Variants in ADAMTS16 observed in about 807,000 individuals in gnomAD.
The protein encoded by ADAMTS16 is A disintegrin and metalloproteinase with thrombospondin motifs 16.
A neutral mutation model predicts 145.8 loss-of-function variants in ADAMTS16; 94 were observed. The ratio of observed to expected loss-of-function variants is 0.64; its 90% confidence interval spans 0.55 to 0.77. The LOEUF (loss-of-function observed/expected upper bound fraction) is 0.77. Ranked by LOEUF, ADAMTS16 falls within the 30% of genes least tolerant of loss-of-function variation. The pLI is 0.00. For missense variants in ADAMTS16, 1,585 were observed against 1,591.5 expected, an observed-to-expected ratio of 1.00 and a Z score of 0.07; for synonymous variants, 659 against 604.3, an observed-to-expected ratio of 1.09 and a Z score of -1.33.
intron 4 of ADAMTS16, among the ~76,000 whole-genome samples, chr5:5,184,949 G>A (rs115376489): frequency 1.1e-3 from 165 of 152,156 alleles, no homozygotes; most frequent in African/African-American, 3.6e-3. Flanking sequence ...AGCTATTTCC[G>A]ACACTTTCGA....
intron 9 of ADAMTS16, among the ~76,000 whole-genome samples, chr5:5,204,645 T>G (rs1380284633): frequency 6.6e-6 from 1 of 152,220 alleles, no homozygotes; most frequent in Non-Finnish European, 1.5e-5. Context: ...ATTTATATAC[T>G]AAATATATAA....
chr5:5,172,916 A>G (rs778551361), intron 3 of ADAMTS16, among the ~76,000 whole-genome samples: 11 of 152,134 alleles, frequency 7.2e-5, no homozygotes, highest in African/African-American at 1.7e-4. Flanking sequence ...TATTGAGTGC[A>G]TATATATTTA....
chr5:5,317,125 G>A lies in ADAMTS16; in HGVS notation c.3412-1009G>A, dbSNP rs780759971. Among the ~76,000 whole-genome samples, 1 of 152,188 alleles carries A rather than the reference G, an allele frequency of 6.6e-6. No individual in the cohort carries two copies. The highest frequency in any genetic ancestry group is 1.5e-5 in the Non-Finnish European group (1 of 68,026). On this transcript the variant is annotated intron_variant, in intron 21 of 22. Transcript: ENST00000274181. The surrounding 1 kb of genome is among the most constrained non-coding windows in gnomAD (Gnocchi z 4.5). ...GGTTACCCCAACCAGCAGTGACAAGGGCTGGTCCTGGGGACAAGAGTTAGG... is the reference window on the plus strand; with the variant it reads ...GGTTACCCCAACCAGCAGTGACAAGAGCTGGTCCTGGGGACAAGAGTTAGG...
chr5:5,273,685 G>C (rs1458179488), intron 18 of ADAMTS16, among the ~76,000 whole-genome samples: 1 of 152,148 alleles, frequency 6.6e-6, no homozygotes, highest in Non-Finnish European at 1.5e-5. Context: ...TCTCCCCTGG[G>C]GAAAATGTGA....
chr5:5,286,857 CAAAAAAAAAAAAA>C (rs1158555676), intron 18 of ADAMTS16, among the ~76,000 whole-genome samples: 34 of 22,116 alleles, frequency 1.5e-3, no homozygotes, highest in African/African-American at 4.1e-3. Flanking sequence ...GACTCCGTCT[CAAAAAAAAAAAAA>C]AAAAAAAAAA....
intron 9 of ADAMTS16, among the ~76,000 whole-genome samples, chr5:5,203,341 G>T (rs1736009618): frequency 6.6e-6 from 1 of 152,152 alleles, no homozygotes; most frequent in Non-Finnish European, 1.5e-5. Flanking sequence ...TTGTTTGATT[G>T]TTTGCTGACT....
At chr5:5,289,096 C>T (rs1280594150) in intron 18 of ADAMTS16, among the ~76,000 whole-genome samples, 3 of 152,208 alleles carry the variant, frequency 2.0e-5, no homozygotes, top group African/African-American at 7.2e-5. Context: ...GGTGTAAATT[C>T]CATCTCACAC....
intron 9 of ADAMTS16, 21 bp downstream of exon 9, chr5:5,200,290 T>C: frequency 6.2e-7 from 1 of 1,613,210 alleles, no homozygotes; most frequent in Non-Finnish European, 8.5e-7. Context: ...TTTAAGCTGG[T>C]CTTGTGATCT....
chr5:5,300,468 C>T (rs1007257806), intron 18 of ADAMTS16, among the ~76,000 whole-genome samples: 1 of 152,094 alleles, frequency 6.6e-6, no homozygotes, highest in African/African-American at 2.4e-5. Flanking sequence ...CTCCTACAAC[C>T]CTGACATGTG....
chr5:5,205,660 G>A (rs1319686318), intron 9 of ADAMTS16, among the ~76,000 whole-genome samples: 1 of 152,186 alleles, frequency 6.6e-6, no homozygotes, highest in Non-Finnish European at 1.5e-5. Flanking sequence ...GTGTCTCACT[G>A]ATGTTTGCCT....
In ADAMTS16 at chr5:5,232,655, G is replaced by A. The variant is rs185644895; in HGVS notation, c.1850+139G>A. The A allele has an allele frequency of 2.0e-3, 2,165 of 1,095,428 alleles. 20 individuals are homozygous for A. In the African/African-American group the frequency reaches 0.026, roughly 13 times the overall value. The allele number at this position is 1,095,428 out of a possible 1,614,324, so 67.9% of individuals were successfully genotyped here. A position where few individuals can be genotyped will look rare whatever the true frequency, so the allele number is the denominator to read the frequency against. ...GTCTCGCTCTGTCACCCAGGCTGGA[G>A]TGCAGTGGTGTGATCTTGGCTCACT... is the stretch of plus-strand genomic sequence containing the variant. On this transcript the variant is annotated intron_variant, in intron 12 of 22. Coordinates refer to ENST00000274181, the MANE Select transcript of ADAMTS16 (RefSeq NM_139056.4).
chr5:5,246,423 G>C (rs1017975333), intron 17 of ADAMTS16, among the ~76,000 whole-genome samples: 1 of 151,984 alleles, frequency 6.6e-6, no homozygotes, highest in Non-Finnish European at 1.5e-5. Context: ...TATTTCTAGG[G>C]CTTAAGGTTT....
chr5:5,147,490 T>C lies in ADAMTS16; in HGVS notation c.501+1035T>C, dbSNP rs188031410. On this transcript the variant is annotated intron_variant, in intron 3 of 22. Coordinates refer to ENST00000274181, the MANE Select transcript of ADAMTS16 (RefSeq NM_139056.4). ...CCAATTTCTTAAAATACTAAATATA[T>C]GCAAATGCTAAATCCTGTAAAAAAA... Among the ~76,000 whole-genome samples, 255 of 152,314 alleles carry C rather than the reference T, an allele frequency of 1.7e-3. 1 individual carries two copies. Among genetic ancestry groups the C allele is most frequent in the African/African-American group, 5.9e-3 (246 of 41,584 alleles).
chr5:5,180,376 TA>T (rs1735308790), intron 3 of ADAMTS16, among the ~76,000 whole-genome samples: 2 of 152,206 alleles, frequency 1.3e-5, no homozygotes, highest in South Asian at 4.1e-4. Flanking sequence ...TAATAACATT[TA>T]TTAGGACTTT....
chr5:5,244,823 G>A (rs1737393057), intron 17 of ADAMTS16, among the ~76,000 whole-genome samples: 1 of 152,220 alleles, frequency 6.6e-6, no homozygotes, highest in Non-Finnish European at 1.5e-5. Flanking sequence ...CAGCAATGAG[G>A]AGACGACCTT....
chr5:5,271,893 T>A (rs554529137), intron 18 of ADAMTS16, among the ~76,000 whole-genome samples: 6 of 152,300 alleles, frequency 3.9e-5, no homozygotes, highest in Admixed American at 1.3e-4. Flanking sequence ...AACCCATTAG[T>A]GGAATAATTC....
intron 4 of ADAMTS16, 114 bp downstream of exon 4, chr5:5,182,419 C>T: frequency 1.5e-6 from 2 of 1,356,514 alleles, no homozygotes; most frequent in Non-Finnish European, 9.9e-7. Context: ...AATCTATGGA[C>T]TGTCGTTGCT....
chr5:5,231,946 A>C (rs1372974484), intron 11 of ADAMTS16, among the ~76,000 whole-genome samples: 1 of 152,122 alleles, frequency 6.6e-6, no homozygotes, highest in African/African-American at 2.4e-5. Flanking sequence ...AGCCATGTGG[A>C]GCCTCCAGCT....
intron 15 of ADAMTS16, 56 bp from the exon 16 acceptor site, chr5:5,239,624 AT>A: frequency 1.3e-6 from 2 of 1,599,352 alleles, no homozygotes; most frequent in Non-Finnish European, 1.7e-6. Context: ...TTGCTTAGAG[AT>A]TTTGCCCCTG....
Sources: allele counts gnomAD v4.1 joint callset (sites outside exome capture counted in the v4.1 genomes callset), GRCh38; gene constraint gnomAD v4.1.1; non-coding constraint Gnocchi (gnomAD v3.1); transcripts MANE v1.5; gene names NCBI Gene and HGNC (gene_info 2026-07-23, HGNC 2026-07-21).